The following TSPAN12 variants were observed in gnomAD, a reference collection of about 807,000 sequenced individuals.
TSPAN12 encodes the protein tetraspanin 12, also known as tetraspanin-12.
TSPAN12 carries 19 observed loss-of-function variants against 39.2 expected under a neutral mutation model. The ratio of observed to expected loss-of-function variants is 0.49; its 90% CI spans 0.34 to 0.71. The LOEUF (loss-of-function observed/expected upper bound fraction) is 0.71, where lower values mean the gene tolerates loss of function less well. Ranked by LOEUF, TSPAN12 falls within the 30% of genes least tolerant of loss-of-function variation. The probability of loss-of-function intolerance (pLI) is 0.01; values close to 1 mark genes in which losing one functional copy is unlikely to be tolerated. For missense variants in TSPAN12, 314 were observed against 359.9 expected (o/e 0.87, Z 1.03); for synonymous variants, 119 against 124.8 (o/e 0.95, Z 0.31).
chr7:120,793,669 T>C (rs1793576717), intron 7 of TSPAN12, among the ~76,000 whole-genome samples: 1 of 152,224 alleles, frequency 6.6e-6, no homozygotes, highest in Non-Finnish European at 1.5e-5. Context: ...CTACAAGTTG[T>C]CTAAAAGAAA....
intron 2 of TSPAN12, among the ~76,000 whole-genome samples, chr7:120,848,801 T>TAAATG (rs1325936437): frequency 6.6e-6 from 1 of 152,194 alleles, no homozygotes; most frequent in Non-Finnish European, 1.5e-5. Flanking sequence ...TGAGAACAGT[T>TAAATG]TCATCCTCAA....
chr7:120,789,373 A>G (rs1300332259), intron 7 of TSPAN12, among the ~76,000 whole-genome samples: 1 of 152,242 alleles, frequency 6.6e-6, no homozygotes, highest in Non-Finnish European at 1.5e-5. Context: ...GCATTAGGCC[A>G]GATCTGGCAC....
chr7:120,826,110 A>G (rs985335632), intron 4 of TSPAN12, among the ~76,000 whole-genome samples: 6 of 152,144 alleles, frequency 3.9e-5, no homozygotes, highest in Non-Finnish European at 7.4e-5. Flanking sequence ...ATAAATATTG[A>G]ATATTTTTTC....
intron 2 of TSPAN12, among the ~76,000 whole-genome samples, chr7:120,851,327 T>C (rs1255852008): frequency 2.0e-5 from 3 of 152,174 alleles, no homozygotes; most frequent in Non-Finnish European, 4.4e-5. Flanking sequence ...AAACTAAATT[T>C]CCTGTCTACT....
At chr7:120,818,429 T>C (rs1794126297) in intron 4 of TSPAN12, among the ~76,000 whole-genome samples, 2 of 151,754 alleles carry the variant, frequency 1.3e-5, no homozygotes, top group Non-Finnish European at 2.9e-5. Context: ...GGCAAGAAAA[T>C]GGAAAAAGTG....
chr7:120,840,189 A>T, intron 2 of TSPAN12, 80 bp from the exon 3 acceptor site: 1 of 1,061,146 alleles, frequency 9.4e-7, no homozygotes, highest in Admixed American at 1.7e-5. Context: ...AAAATTAAGG[A>T]TTTTGTTACA....
chr7:120,799,314 G>A (rs1469713948), intron 7 of TSPAN12, among the ~76,000 whole-genome samples: 2 of 150,476 alleles, frequency 1.3e-5, no homozygotes, highest in Non-Finnish European at 2.9e-5. Flanking sequence ...TCCCAACCAT[G>A]GCCTTTTATT....
At chr7:120,794,278 C>T (rs534751269) in intron 7 of TSPAN12, among the ~76,000 whole-genome samples, 2 of 152,266 alleles carry the variant, frequency 1.3e-5, no homozygotes, top group South Asian at 4.1e-4. Flanking sequence ...CATGTAGAAA[C>T]TTGCAGCAGA....
intron 4 of TSPAN12, among the ~76,000 whole-genome samples, chr7:120,836,043 T>C (rs1794470542): frequency 6.6e-6 from 1 of 152,190 alleles, no homozygotes; most frequent in Admixed American, 6.5e-5. Flanking sequence ...ATAGGGAGTC[T>C]CTGCACCTGT....
At chr7:120,793,096 A>G (rs1386534067) in intron 7 of TSPAN12, among the ~76,000 whole-genome samples, 3 of 152,190 alleles carry the variant, frequency 2.0e-5, no homozygotes, top group Admixed American at 2.0e-4. Flanking sequence ...TGAAGAATCA[A>G]TTATCCCTTT....
intron 5 of TSPAN12, chr7:120,814,098 G>T (rs914379654): frequency 7.0e-6 from 3 of 427,600 alleles, no homozygotes; most frequent in Non-Finnish European, 1.4e-5. Context: ...ATTGGAGTGT[G>T]CAGAGTAGCC....
At chr7:120,803,761 GC>G (rs1793817979) in intron 7 of TSPAN12, among the ~76,000 whole-genome samples, 1 of 152,094 alleles carries the variant, frequency 6.6e-6, no homozygotes, top group African/African-American at 2.4e-5. Flanking sequence ...CTATCAACTT[GC>G]ACATGCACAA....
At chr7:120,798,064 A>G (rs181184862) in intron 7 of TSPAN12, among the ~76,000 whole-genome samples, 90 of 152,352 alleles carry the variant, frequency 5.9e-4, no homozygotes, top group Non-Finnish European at 1.0e-3. Flanking sequence ...AGTCTCTACT[A>G]ATAGAGTCCA....
intron 7 of TSPAN12, among the ~76,000 whole-genome samples, chr7:120,799,762 C>T (rs1584925275): frequency 4.8e-5 from 6 of 124,266 alleles, no homozygotes; most frequent in South Asian, 2.4e-4. Flanking sequence ...TTAATTTATA[C>T]ATATAATTTA....
chr7:120,838,945 A>T, intron 3 of TSPAN12, 33 bp from the exon 4 acceptor site: 1 of 1,610,304 alleles, frequency 6.2e-7, no homozygotes, highest in Non-Finnish European at 8.5e-7. Flanking sequence ...TTAGAAAGAA[A>T]ATATAATCAA....
At chr7:120,844,066 C>T (rs528844949) in intron 2 of TSPAN12, among the ~76,000 whole-genome samples, 47 of 152,218 alleles carry the variant, frequency 3.1e-4, no homozygotes, top group African/African-American at 1.1e-3. Flanking sequence ...GAAGCAGGCA[C>T]ATCTTACATG....
At chr7:120,819,548 T>C (rs1046106508) in intron 4 of TSPAN12, among the ~76,000 whole-genome samples, 2 of 152,158 alleles carry the variant, frequency 1.3e-5, no homozygotes, top group East Asian at 3.9e-4. Context: ...GACTTTGAGG[T>C]TGAAAAGACA....
At chr7:120,827,974 C>T (rs1194047077) in intron 4 of TSPAN12, among the ~76,000 whole-genome samples, 2 of 152,092 alleles carry the variant, frequency 1.3e-5, no homozygotes, top group African/African-American at 4.8e-5. Context: ...CCTAATTTAG[C>T]TTAGTCAGTA....
At chr7:120,818,965 T>C (rs555502068) in intron 4 of TSPAN12, among the ~76,000 whole-genome samples, 1 of 152,234 alleles carries the variant, frequency 6.6e-6, no homozygotes, top group East Asian at 1.9e-4. Context: ...AAAAATATTA[T>C]ATTTGTATCT....
Sources: gnomAD v4.1 joint callset for allele counts (sites outside exome capture counted in the v4.1 genomes callset) on GRCh38, gnomAD v4.1.1 for gene constraint, MANE v1.5 for transcripts, NCBI Gene and HGNC (gene_info 2026-07-23, HGNC 2026-07-21) for gene names.